The following UNC13C variants were observed in gnomAD, a reference collection of about 807,000 sequenced individuals.
The protein encoded by UNC13C is protein unc-13 homolog C.
UNC13C carries 174 observed loss-of-function variants against 245.4 expected under a neutral mutation model. That is an observed-to-expected ratio of 0.71 (90% CI 0.63 to 0.80). UNC13C has a LOEUF of 0.80. Ranked by LOEUF, UNC13C falls within the 30% of genes least tolerant of loss-of-function variation. The pLI is 0.00. For synonymous variants in UNC13C, 992 were observed against 895.1 expected (o/e 1.11, Z -1.93); for missense variants, 2,829 against 2,602.9 (o/e 1.09, Z -1.89).
At chr15:54,200,676 G>A (rs564239090) in intron 4 of UNC13C, among the ~76,000 whole-genome samples, 4 of 152,102 alleles carry the variant, frequency 2.6e-5, no homozygotes, top group Non-Finnish European at 5.9e-5. Context: ...CAAAAGTGGT[G>A]CTAAGAGGAA....
intron 8 of UNC13C, among the ~76,000 whole-genome samples, chr15:54,253,591 A>T (rs1039607927): frequency 1.7e-4 from 26 of 152,184 alleles, no homozygotes; most frequent in African/African-American, 5.8e-4. Context: ...AGACATTTAG[A>T]ATTCTTTTTT....
intron 2 of UNC13C, among the ~76,000 whole-genome samples, chr15:54,026,711 G>A (rs1448042219): frequency 6.6e-6 from 1 of 152,138 alleles, no homozygotes; most frequent in Non-Finnish European, 1.5e-5. Context: ...GTTATCATCT[G>A]TATCCTGATG....
chr15:54,141,783 T>C (rs1423996897), intron 2 of UNC13C, among the ~76,000 whole-genome samples: 2 of 152,128 alleles, frequency 1.3e-5, no homozygotes. Flanking sequence ...TTTATTACTT[T>C]ACAATACATT....
chr15:53,938,576 A>G, the UNC13C span, among the ~76,000 whole-genome samples: 141 of 152,288 alleles, frequency 9.3e-4, 1 homozygote, highest in African/African-American at 3.3e-3. Context: ...TGGCCAAATG[A>G]TACTTACTCC....
intron 19 of UNC13C, among the ~76,000 whole-genome samples, chr15:54,448,696 A>T (rs1334835180): frequency 2.6e-5 from 4 of 152,154 alleles, no homozygotes; most frequent in Admixed American, 1.3e-4. Context: ...TTTCCTGAAT[A>T]CAGCACACTG....
At chr15:54,316,661 A>ATGCTATATTAGT (rs1483983930) in intron 13 of UNC13C, among the ~76,000 whole-genome samples, 1 of 151,968 alleles carries the variant, frequency 6.6e-6, no homozygotes, top group Admixed American at 6.6e-5. Context: ...AAGTGTGCTC[A>ATGCTATATTAGT]GTAAATATTT....
At chr15:54,374,989 A>G (rs982565361) in intron 17 of UNC13C, among the ~76,000 whole-genome samples, 3 of 152,378 alleles carry the variant, frequency 2.0e-5, no homozygotes, top group Admixed American at 2.0e-4. Flanking sequence ...AATATATTCT[A>G]TAGATGATAA....
chr15:54,273,450 G>A (rs1363407475), intron 10 of UNC13C, among the ~76,000 whole-genome samples: 1 of 152,018 alleles, frequency 6.6e-6, no homozygotes, highest in Non-Finnish European at 1.5e-5. Flanking sequence ...ACTTCCCCAT[G>A]GTATATCATA....
At chr15:54,336,308 T>C (rs1282189907) in intron 16 of UNC13C, among the ~76,000 whole-genome samples, 1 of 152,088 alleles carries the variant, frequency 6.6e-6, no homozygotes, top group Non-Finnish European at 1.5e-5. Context: ...ATATCTAAAA[T>C]CTACTTTCTT....
intron 30 of UNC13C, among the ~76,000 whole-genome samples, chr15:54,609,153 C>A (rs1377225332): frequency 1.3e-5 from 2 of 152,180 alleles, no homozygotes; most frequent in African/African-American, 4.8e-5. Flanking sequence ...GATTTCTTTT[C>A]ATTTCATTTT....
chr15:54,596,861 C>T (rs1899110756), intron 30 of UNC13C, among the ~76,000 whole-genome samples: 1 of 152,184 alleles, frequency 6.6e-6, no homozygotes, highest in Non-Finnish European at 1.5e-5. Flanking sequence ...TCCCAGAGGT[C>T]TCACCAGTAG....
intron 2 of UNC13C, among the ~76,000 whole-genome samples, chr15:54,078,399 T>C (rs1212453004): frequency 6.6e-6 from 1 of 152,214 alleles, no homozygotes; most frequent in Non-Finnish European, 1.5e-5. Flanking sequence ...TTTTAGTTAT[T>C]TGAGAAATCT....
chr15:54,480,366 C>T (rs966404111), intron 19 of UNC13C, among the ~76,000 whole-genome samples: 1 of 149,748 alleles, frequency 6.7e-6, no homozygotes, highest in Admixed American at 6.7e-5. Context: ...TATTTTGTCA[C>T]TTTATAATGT....
chr15:54,409,078 T>G (rs553524930), intron 18 of UNC13C, among the ~76,000 whole-genome samples: 1 of 152,156 alleles, frequency 6.6e-6, no homozygotes, highest in East Asian at 1.9e-4. Flanking sequence ...TATGAGAAAA[T>G]CAACTTCAAC....
intron 18 of UNC13C, among the ~76,000 whole-genome samples, chr15:54,405,806 A>G (rs1382167727): frequency 6.6e-6 from 1 of 152,188 alleles, no homozygotes; most frequent in African/African-American, 2.4e-5. Flanking sequence ...CACAAGGCAG[A>G]AAATAATAAA....
chr15:54,368,018 A>G (rs2039404071), intron 17 of UNC13C, among the ~76,000 whole-genome samples: 1 of 152,172 alleles, frequency 6.6e-6, no homozygotes, highest in Non-Finnish European at 1.5e-5. Context: ...GCTGGACTGC[A>G]ACTAGGGTTC....
intron 2 of UNC13C, among the ~76,000 whole-genome samples, chr15:54,088,058 T>TTA (rs68078085): frequency 0.054 from 8,126 of 150,826 alleles, 344 homozygotes; most frequent in South Asian, 0.13. Flanking sequence ...ATCCTGAATA[T>TTA]TATATATATA....
At chr15:54,422,134 G>A (rs531474775) in intron 19 of UNC13C, among the ~76,000 whole-genome samples, 1 of 151,986 alleles carries the variant, frequency 6.6e-6, no homozygotes, top group East Asian at 1.9e-4. Context: ...TACCATTTGT[G>A]GATTATCAGA....
At chr15:54,024,120 C>G (rs1896007596) in intron 2 of UNC13C, among the ~76,000 whole-genome samples, 1 of 152,158 alleles carries the variant, frequency 6.6e-6, no homozygotes, top group Non-Finnish European at 1.5e-5. Flanking sequence ...GCAATTTAGG[C>G]TCTGGCATAA....
Sources: gnomAD v4.1 joint callset for allele counts (sites outside exome capture counted in the v4.1 genomes callset) on GRCh38, gnomAD v4.1.1 for gene constraint, MANE v1.5 for transcripts, NCBI Gene and HGNC (gene_info 2026-07-23, HGNC 2026-07-21) for gene names.